Variants in NCOA1 observed in about 807,000 individuals in gnomAD.
The protein encoded by NCOA1 is nuclear receptor coactivator 1, also known as Hin-2 protein.
In NCOA1, 35 loss-of-function variants were observed where a neutral mutation model predicts 150.9. That is an observed-to-expected ratio of 0.23 (90% CI 0.18 to 0.31). NCOA1 has a LOEUF of 0.31. Ranked by LOEUF, NCOA1 falls within the 10% of genes least tolerant of loss-of-function variation. NCOA1 has a pLI of 1.00. For missense variants in NCOA1, 1,491 were observed against 1,749.3 expected (o/e 0.85, Z 2.63); for synonymous variants, 590 against 630.0 (o/e 0.94, Z 0.95).
chr2:24,670,958 T>C (rs1293536975), intron 6 of NCOA1, among the ~76,000 whole-genome samples: 1 of 152,204 alleles, frequency 6.6e-6, no homozygotes, highest in East Asian at 1.9e-4. Flanking sequence ...AAACCAATGT[T>C]ACAACCTCTT....
chr2:24,717,005 A>G (rs1674080577), intron 14 of NCOA1, among the ~76,000 whole-genome samples: 1 of 152,252 alleles, frequency 6.6e-6, no homozygotes, highest in African/African-American at 2.4e-5. Flanking sequence ...TGGGCAAAAG[A>G]TCTGAACAGA....
chr2:24,519,192 T>G (rs1664322387), intron 1 of NCOA1, among the ~76,000 whole-genome samples: 1 of 152,214 alleles, frequency 6.6e-6, no homozygotes, highest in Non-Finnish European at 1.5e-5. Flanking sequence ...AAACAAAATG[T>G]ATATGTATAC....
At chr2:24,558,305 T>G (rs184423935) in intron 1 of NCOA1, among the ~76,000 whole-genome samples, 2 of 152,172 alleles carry the variant, frequency 1.3e-5, no homozygotes, top group Non-Finnish European at 2.9e-5. Context: ...AACGGAAAAC[T>G]GTATTAGTCC....
In NCOA1 at chr2:24,691,676, CT is replaced by C; in HGVS notation, c.712+21del. Reference sequence around the variant, plus strand: ...GATGGAGAAGGTAAAGCCAAACGGTCTTTTTAAAGTGTTTATTTCTTCTGTG... The same window carrying C: ...GATGGAGAAGGTAAAGCCAAACGGTCTTTTAAAGTGTTTATTTCTTCTGTG... On this transcript the variant is annotated intron_variant, in intron 9 of 22. Coordinates refer to ENST00000348332, the MANE Select transcript of NCOA1 (RefSeq NM_003743.5). 2.5e-6 allele frequency: 4 copies of C among 1,606,064 alleles called. No individual in the cohort carries two copies. The highest frequency in any genetic ancestry group is 3.4e-6 in the Non-Finnish European group (4 of 1,175,538).
Position 24,564,371 on chromosome 2 carries a change from A to C in NCOA1, c.-319A>C, listed in dbSNP as rs1572423751. ...CAAGGACCATCAAGCAAGATCATGC[A>C]GTAGGCAACTTTGCTTCCAAAAGAA... On this transcript the variant is annotated 5_prime_UTR_variant, in exon 2 of 23. Coordinates refer to ENST00000348332, the MANE Select transcript of NCOA1 (RefSeq NM_003743.5). 6.6e-6 allele frequency: 1 copy of C among 152,244 alleles called. No individual in the cohort carries two copies. Among genetic ancestry groups the C allele is most frequent in the Non-Finnish European group, 1.5e-5 (1 of 68,036 alleles). The allele number at this position is 152,244 out of a possible 1,614,324, so 9.4% of individuals were successfully genotyped here.
At chr2:24,504,355 T>C (rs1023139325) in intron 1 of NCOA1, among the ~76,000 whole-genome samples, 3 of 152,362 alleles carry the variant, frequency 2.0e-5, no homozygotes, top group African/African-American at 7.2e-5. Flanking sequence ...CCCTAAAGTG[T>C]CCCACATCGA....
intron 13 of NCOA1, among the ~76,000 whole-genome samples, chr2:24,708,249 A>C (rs1325068963): frequency 6.6e-6 from 1 of 152,166 alleles, no homozygotes; most frequent in Non-Finnish European, 1.5e-5. Context: ...AAGTCTGGGA[A>C]CCCCTGATGT....
At chr2:24,763,164 C>G (rs1300848382) in intron 22 of NCOA1, among the ~76,000 whole-genome samples, 1 of 152,156 alleles carries the variant, frequency 6.6e-6, no homozygotes, top group Admixed American at 6.5e-5. Context: ...AACAGAGTAC[C>G]TGCTGTATAC....
At chr2:24,491,999 G>T (rs947694940) in intron 1 of NCOA1, 1 of 151,900 alleles carries the variant, frequency 6.6e-6, no homozygotes, top group Non-Finnish European at 1.5e-5. Flanking sequence ...CCGGAAGTCG[G>T]CGCGGGCGCC....
intron 1 of NCOA1, among the ~76,000 whole-genome samples, chr2:24,510,994 T>C (rs1663913912): frequency 6.6e-6 from 1 of 152,222 alleles, no homozygotes; most frequent in African/African-American, 2.4e-5. Context: ...CTGTTAGCAG[T>C]GTCTCCCCAT....
At chr2:24,719,270 A>G (rs1307737880) in intron 14 of NCOA1, among the ~76,000 whole-genome samples, 4 of 152,118 alleles carry the variant, frequency 2.6e-5, no homozygotes, top group Non-Finnish European at 4.4e-5. Context: ...AAGTCTGATC[A>G]TTGTTTGCCT....
At chr2:24,492,117 C>T (rs1336190628) in intron 1 of NCOA1, 1 of 152,218 alleles carries the variant, frequency 6.6e-6, no homozygotes, top group Non-Finnish European at 1.5e-5. Context: ...TCCGTCGGCG[C>T]AGCCCTCGAC....
intron 14 of NCOA1, among the ~76,000 whole-genome samples, chr2:24,713,527 A>C (rs1673865538): frequency 6.6e-6 from 1 of 152,230 alleles, no homozygotes; most frequent in African/African-American, 2.4e-5. Context: ...TGGAACTAGA[A>C]GACATTTATG....
intron 4 of NCOA1, among the ~76,000 whole-genome samples, chr2:24,647,011 T>C (rs181333810): frequency 6.6e-6 from 1 of 152,292 alleles, no homozygotes; most frequent in African/African-American, 2.4e-5. Context: ...TAACGTATGA[T>C]AGAAGGTAAG....
chr2:24,736,554 A>G (rs1196689202), intron 17 of NCOA1, among the ~76,000 whole-genome samples: 2 of 152,232 alleles, frequency 1.3e-5, no homozygotes, highest in Admixed American at 6.5e-5. Context: ...TAAAGGACAG[A>G]AAAAAAGAGA....
At chr2:24,572,584 T>C (rs1473556715) in intron 2 of NCOA1, among the ~76,000 whole-genome samples, 1 of 152,164 alleles carries the variant, frequency 6.6e-6, no homozygotes, top group African/African-American at 2.4e-5. Context: ...TTCGTGAAGA[T>C]TGTGGAAGGT....
intron 3 of NCOA1, among the ~76,000 whole-genome samples, chr2:24,642,925 T>C (rs866252171): frequency 6.6e-6 from 1 of 152,118 alleles, no homozygotes; most frequent in African/African-American, 2.4e-5. Context: ...ACAAAAATTA[T>C]AGAAATAGGG....
intron 3 of NCOA1, among the ~76,000 whole-genome samples, chr2:24,605,795 T>G (rs1668336336): frequency 6.6e-6 from 1 of 152,206 alleles, no homozygotes; most frequent in Admixed American, 6.5e-5. Flanking sequence ...TGAGTAGAAG[T>G]AATCTATGCC....
intron 3 of NCOA1, among the ~76,000 whole-genome samples, chr2:24,635,725 TAC>T (rs1007175899): frequency 6.6e-6 from 1 of 152,174 alleles, no homozygotes; most frequent in African/African-American, 2.4e-5. Context: ...CTAAGTTTAT[TAC>T]AAATGCAGAT....
Sources: gnomAD v4.1 joint callset for allele counts (sites outside exome capture counted in the v4.1 genomes callset) on GRCh38, gnomAD v4.1.1 for gene constraint, MANE v1.5 for transcripts, NCBI Gene and HGNC (gene_info 2026-07-23, HGNC 2026-07-21) for gene names.